The following NBPF12 variants were observed in gnomAD, a reference collection of about 807,000 sequenced individuals.
NBPF12 encodes the protein NBPF member 12.
NBPF12 carries 115 observed loss-of-function variants against 146.4 expected under a neutral mutation model. The observed-to-expected ratio is 0.79, with a 90% CI of 0.68 to 0.92. The LOEUF (loss-of-function observed/expected upper bound fraction) is 0.92. Ranked by LOEUF, NBPF12 falls within the 40% of genes least tolerant of loss-of-function variation. NBPF12 has a pLI of 0.00. For synonymous variants in NBPF12, 385 were observed against 508.9 expected, an observed-to-expected ratio of 0.76 and a Z score of 3.28; for missense variants, 1,205 against 1,326.8, an observed-to-expected ratio of 0.91 and a Z score of 1.43.
chr1:146,954,694 A>T (rs1213368790), intron 2 of NBPF12, among the ~76,000 whole-genome samples: 1 of 150,334 alleles, frequency 6.7e-6, no homozygotes, highest in African/African-American at 2.4e-5. Flanking sequence ...ATTATAAAAG[A>T]ATAATGGTGA....
chr1:146,940,270 G>A (rs1222378901), intron 1 of NBPF12, among the ~76,000 whole-genome samples: 3 of 151,486 alleles, frequency 2.0e-5, no homozygotes, highest in Non-Finnish European at 2.9e-5. Flanking sequence ...AGAAATCTTC[G>A]AAAAGTTACT....
chr1:146,977,847 C>T (rs1657146102), intron 18 of NBPF12, among the ~76,000 whole-genome samples, 176 bp downstream of exon 21: 2 of 152,012 alleles, frequency 1.3e-5, no homozygotes, highest in Non-Finnish European at 2.9e-5. Flanking sequence ...GTCTGCCAGT[C>T]CCCAGTATCA....
exon 16 of NBPF12, chr1:146,975,856 G>T: frequency 6.2e-7 from 1 of 1,610,776 alleles, no homozygotes. Flanking sequence ...GAGGGGTGTA[G>T]ACTGGCACAA....
intron 9 of NBPF12, among the ~76,000 whole-genome samples, chr1:146,967,378 G>A (rs1335968444): frequency 1.3e-5 from 2 of 151,032 alleles, no homozygotes; most frequent in African/African-American, 2.5e-5. Context: ...GCAGGTGACT[G>A]TAATCACTCC....
At chr1:146,994,933 T>G in exon 34 of NBPF12, 1 of 372,184 alleles carries the variant, frequency 2.7e-6, no homozygotes, top group East Asian at 6.3e-5. Context: ...ATCTTTGTGT[T>G]TAGTTCATCC....
At chr1:146,969,514 C>G in exon 11 of NBPF12, 3 of 1,275,310 alleles carry the variant, frequency 2.4e-6, no homozygotes, top group East Asian at 2.4e-5. Flanking sequence ...ATGAGCCGGA[C>G]AAGTCCCAGG....
intron 5 of NBPF12, among the ~76,000 whole-genome samples, chr1:146,962,740 C>G (rs1276832305): frequency 1.3e-5 from 2 of 148,398 alleles, no homozygotes; most frequent in Admixed American, 1.4e-4. Context: ...GGCTTTGTAT[C>G]TAGTGGCCGC....
intron 4 of NBPF12, among the ~76,000 whole-genome samples, chr1:146,960,819 A>G (rs1655799994): frequency 6.6e-6 from 1 of 152,052 alleles, no homozygotes. Flanking sequence ...TGCTCCTAAT[A>G]GAACCTGTGC....
At chr1:146,963,584 G>C (rs2101851797) in intron 6 of NBPF12, among the ~76,000 whole-genome samples, 1 of 152,102 alleles carries the variant, frequency 6.6e-6, no homozygotes, top group East Asian at 1.9e-4. Flanking sequence ...GAAGGAGGCT[G>C]TGATGGGAGG....
At chr1:146,972,986 G>A (rs1302121085) in intron 14 of NBPF12, 26 bp downstream of exon 17, 5 of 905,546 alleles carry the variant, frequency 5.5e-6, no homozygotes, top group Non-Finnish European at 9.3e-6. Context: ...TCACCATCAT[G>A]AAAGTGATGA....
chr1:146,970,025 G>T (rs1372986813), intron 11 of NBPF12, among the ~76,000 whole-genome samples: 1 of 149,388 alleles, frequency 6.7e-6, no homozygotes, highest in Non-Finnish European at 1.5e-5. Flanking sequence ...CAGACAAATT[G>T]TCTCTTTCAA....
At position 146,984,686 on chromosome 1, in the gene NBPF12, T is replaced by A; in HGVS notation, c.2667-127T>A. ...ATCACAACATAAAGGCAATAATTTG[T>A]TACCTCATTAATGGATCTGTCCTTT... On this transcript the variant is annotated intron_variant, in intron 21 of 33. Transcript: ENST00000617844. 3 of 730,988 alleles carry A rather than the reference T, an allele frequency of 4.1e-6. No homozygotes were observed. In the South Asian group the frequency reaches 4.4e-5, roughly 11 times the overall value. 45.3% of individuals were successfully genotyped at this position (730,988 alleles called of 1,614,324 possible).
chr1:146,943,562 G>T (rs1654893562), exon 2 of NBPF12: 13 of 1,351,776 alleles, frequency 9.6e-6, no homozygotes, highest in Non-Finnish European at 1.1e-5. Flanking sequence ...AGATCCAACA[G>T]GTAAAAATCC....
Position 146,994,269 on chromosome 1 carries a change from T to G in NBPF12, c.4131-63T>G. 4 of 1,610,994 alleles carry G rather than the reference T, an allele frequency of 2.5e-6. No individual in the cohort carries two copies. The South Asian group carries it at 4.4e-5, about 18-fold the overall frequency. ...ACTTCCTTATGTTACTTCTGAAATC[T>G]AGTGAGGCTCTGTGGTGTCTGACTT... On this transcript the variant is annotated intron_variant, in intron 33 of 33. Coordinates refer to ENST00000617844, the Ensembl canonical transcript of NBPF12.
At chr1:146,967,257 C>A (rs1372464675) in intron 9 of NBPF12, among the ~76,000 whole-genome samples, 1 of 150,646 alleles carries the variant, frequency 6.6e-6, no homozygotes, top group Non-Finnish European at 1.5e-5. Context: ...AATCCCAGCC[C>A]TTTGGGAGGC....
exon 7 of NBPF12, chr1:146,964,358 A>C: frequency 6.2e-7 from 1 of 1,603,410 alleles, no homozygotes; most frequent in Non-Finnish European, 8.5e-7. Context: ...TATTTATAGA[A>C]AATGATGAAG....
intron 15 of NBPF12, among the ~76,000 whole-genome samples, 182 bp from the exon 19 acceptor site, chr1:146,975,495 C>T (rs1448813005): frequency 6.7e-6 from 1 of 149,096 alleles, no homozygotes; most frequent in Non-Finnish European, 1.5e-5. Flanking sequence ...CTCTCTGATA[C>T]AGAGGAAGCC....
intron 15 of NBPF12, among the ~76,000 whole-genome samples, chr1:146,975,426 T>A (rs1656926780): frequency 6.7e-6 from 1 of 150,140 alleles, no homozygotes; most frequent in Admixed American, 6.6e-5. Flanking sequence ...GGAAGACACC[T>A]ACTTTTGTTT....
chr1:146,984,567 T>G (rs1657611032), intron 21 of NBPF12, among the ~76,000 whole-genome samples: 2 of 147,972 alleles, frequency 1.4e-5, no homozygotes, highest in South Asian at 2.1e-4. Context: ...GCCAATTGAC[T>G]GAGCTCACAC....
Sources: gnomAD v4.1 joint callset for allele counts (sites outside exome capture counted in the v4.1 genomes callset) on GRCh38, gnomAD v4.1.1 for gene constraint, MANE v1.5 for transcripts, NCBI Gene and HGNC (gene_info 2026-07-23, HGNC 2026-07-21) for gene names.